Variants in FILIP1 observed in about 807,000 individuals in gnomAD.
FILIP1 encodes filamin-A-interacting protein 1.
Under a neutral mutation model 102.1 loss-of-function variants are expected in FILIP1, and 61 were observed. The observed-to-expected ratio is 0.60, with a 90% CI of 0.49 to 0.74. The LOEUF (loss-of-function observed/expected upper bound fraction) is 0.74, where lower values mean the gene tolerates loss of function less well. FILIP1 is among the 30% of genes least tolerant of loss of function. FILIP1 has a pLI of 0.00. For synonymous variants in FILIP1, 491 were observed against 526.9 expected (o/e 0.93, Z 0.93); for missense variants, 1,314 against 1,441.2 (o/e 0.91, Z 1.43).
downstream of FILIP1, among the ~76,000 whole-genome samples, chr6:75,307,527 G>A (rs1215159315): frequency 6.6e-6 from 1 of 152,086 alleles, no homozygotes; most frequent in African/African-American, 2.4e-5. Context: ...CTAAGCTGTG[G>A]GTTACTAGCC....
At chr6:75,447,871 C>T (rs1268456975) in intron 1 of FILIP1, among the ~76,000 whole-genome samples, 1 of 151,988 alleles carries the variant, frequency 6.6e-6, no homozygotes, top group Non-Finnish European at 1.5e-5. Flanking sequence ...CCTCTTTTCC[C>T]ATTCTTTGAA....
chr6:75,406,459 T>C (rs1408457594), intron 2 of FILIP1, among the ~76,000 whole-genome samples: 2 of 152,150 alleles, frequency 1.3e-5, no homozygotes, highest in Admixed American at 6.5e-5. Flanking sequence ...ATTCCTGTAA[T>C]TTATATTGCA....
intron 2 of FILIP1, among the ~76,000 whole-genome samples, chr6:75,383,493 G>C (rs1775968899): frequency 1.3e-5 from 2 of 152,008 alleles, no homozygotes; most frequent in South Asian, 4.2e-4. Context: ...AAAAATGTTT[G>C]TTATAAAAAA....
In FILIP1 at chr6:75,313,460, T is replaced by C. The variant is rs1014403478; in HGVS notation, c.2372A>G (p.Asn791Ser). Residue 791 changes from asparagine (N) to serine (S), a missense_variant, in exon 5 of 6, where the codon AAT (asparagine) becomes AGT (serine). Physicochemically the swap from Asn to Ser is conservative, Grantham distance 46 (BLOSUM62 1). Around this residue, in one of 3 missense-constraint regions of FILIP1, gnomAD observed 816 missense variants for 913.1 expected, o/e 0.89. Coordinates refer to ENST00000237172, the MANE Select transcript of FILIP1 (RefSeq NM_015687.5). The surrounding 1 kb of genome is among the most constrained non-coding windows in gnomAD (Gnocchi z 4.2). The part of the protein sequence containing the change: ...RYSRALRPSV[N>S]GRRMVDVPVT... ...AGGAACATCCACCATTCTTCTTCCA[T>C]TCACACTGGGCCTAAGAGCTCTGCT... is the stretch of plus-strand genomic sequence containing the variant. 2 of 1,614,222 alleles carry C rather than the reference T, an allele frequency of 1.2e-6. No homozygotes were observed. The highest frequency in any genetic ancestry group is 1.7e-6 in the Non-Finnish European group (2 of 1,180,046).
intron 4 of FILIP1, among the ~76,000 whole-genome samples, chr6:75,325,277 C>T (rs1773802192): frequency 6.6e-6 from 1 of 152,134 alleles, no homozygotes; most frequent in South Asian, 2.1e-4. Flanking sequence ...TAAAAATTAT[C>T]TGGGTGTGGT....
chr6:75,310,557 T>C (rs1470275955), intron 5 of FILIP1, among the ~76,000 whole-genome samples: 1 of 152,228 alleles, frequency 6.6e-6, no homozygotes, highest in Non-Finnish European at 1.5e-5. Context: ...TCTTAGACAG[T>C]TGCTTTGAAA....
intron 2 of FILIP1, among the ~76,000 whole-genome samples, chr6:75,372,639 A>AAGAG (rs1491291567): frequency 1.6e-5 from 1 of 63,150 alleles, no homozygotes; most frequent in Non-Finnish European, 3.0e-5. Context: ...GAAAGAAAGA[A>AAGAG]AGAAAGAAAG....
At chr6:75,337,104 A>G (rs1774267291) in intron 4 of FILIP1, among the ~76,000 whole-genome samples, 1 of 151,816 alleles carries the variant, frequency 6.6e-6, no homozygotes, top group Non-Finnish European at 1.5e-5. Flanking sequence ...TTTTTTTTCT[A>G]TGAATCATAT....
At chr6:75,476,437 T>G (rs1215874808) in intron 1 of FILIP1, among the ~76,000 whole-genome samples, 1 of 152,096 alleles carries the variant, frequency 6.6e-6, no homozygotes, top group Non-Finnish European at 1.5e-5. Flanking sequence ...GAATCAGTTG[T>G]AAACTTCAGT....
chr6:75,398,733 G>A (rs1776546894), intron 2 of FILIP1: 1 of 152,144 alleles, frequency 6.6e-6, no homozygotes. Flanking sequence ...AATTCACTAT[G>A]GTCTGGACAT....
At chr6:75,339,348 A>T (rs1334369041) in intron 4 of FILIP1, among the ~76,000 whole-genome samples, 1 of 152,250 alleles carries the variant, frequency 6.6e-6, no homozygotes, top group Non-Finnish European at 1.5e-5. Context: ...AATAGGCATG[A>T]ATTTTCATCT....
intron 1 of FILIP1, among the ~76,000 whole-genome samples, chr6:75,420,148 G>A (rs1178892280): frequency 6.6e-6 from 1 of 152,058 alleles, no homozygotes; most frequent in African/African-American, 2.4e-5. Flanking sequence ...ATGTTGTCAT[G>A]AAAAGGCCAA....
chr6:75,480,636 G>C (rs1582568835), intron 1 of FILIP1, among the ~76,000 whole-genome samples: 2 of 152,134 alleles, frequency 1.3e-5, no homozygotes, highest in Admixed American at 1.3e-4. Flanking sequence ...TTGAATATAT[G>C]TAAGTAGTTT....
intron 1 of FILIP1, among the ~76,000 whole-genome samples, chr6:75,418,984 T>G (rs1777361861): frequency 6.6e-6 from 1 of 152,146 alleles, no homozygotes; most frequent in African/African-American, 2.4e-5. Context: ...CCTTTTCATC[T>G]GCGTCCCCCC....
intron 1 of FILIP1, among the ~76,000 whole-genome samples, chr6:75,480,263 A>ACATTTTTATAGTACTAAAAATGTACAC (rs1779611890): frequency 6.8e-6 from 1 of 147,754 alleles, no homozygotes; most frequent in Admixed American, 6.7e-5. Flanking sequence ...TTATAATACT[A>ACATTTTTATAGTACTAAAAATGTACAC]CATTTTTATA....
chr6:75,323,609 T>C (rs1773734846), intron 4 of FILIP1, among the ~76,000 whole-genome samples: 1 of 152,110 alleles, frequency 6.6e-6, no homozygotes, highest in Admixed American at 6.5e-5. Context: ...TCTGGTGAGG[T>C]AATGTTTCAG....
At chr6:75,319,627 G>A (rs1407680155) in intron 4 of FILIP1, 32 of 422,576 alleles carry the variant, frequency 7.6e-5, no homozygotes, top group Admixed American at 7.0e-4. Context: ...TCAGGAGATC[G>A]AGACCATCCT....
chr6:75,356,631 G>C (rs1416229001), intron 3 of FILIP1, among the ~76,000 whole-genome samples: 1 of 152,060 alleles, frequency 6.6e-6, no homozygotes, highest in Non-Finnish European at 1.5e-5. Context: ...ACCACACCCA[G>C]CTAGTTTTTG....
At chr6:75,479,772 G>A (rs1779596145) in intron 1 of FILIP1, among the ~76,000 whole-genome samples, 1 of 144,614 alleles carries the variant, frequency 6.9e-6, no homozygotes, top group Non-Finnish European at 1.5e-5. Context: ...GCGAGGCTGA[G>A]GCATGAGAAT....
Sources: gnomAD v4.1 joint callset for allele counts (sites outside exome capture counted in the v4.1 genomes callset) on GRCh38, gnomAD v4.1.1 for gene constraint, gnomAD v4.1.1 regional missense constraint, Gnocchi (gnomAD v3.1) non-coding constraint, MANE v1.5 for transcripts, NCBI Gene and HGNC (gene_info 2026-07-23, HGNC 2026-07-21) for gene names.